The following ANGPT4 variants were observed in gnomAD, a reference collection of about 807,000 sequenced individuals.
ANGPT4 encodes the protein angiopoietin 4.
A neutral mutation model predicts 53.0 loss-of-function variants in ANGPT4; 50 were observed. The ratio of observed to expected loss-of-function variants is 0.94; its 90% confidence interval spans 0.75 to 1.20. The LOEUF (loss-of-function observed/expected upper bound fraction) is 1.20. Among genes scored for constraint, ANGPT4 ranks in the 50% most tolerant of loss-of-function variants. ANGPT4 has a pLI of 0.00. For synonymous variants in ANGPT4, 251 were observed against 259.7 expected, an observed-to-expected ratio of 0.97 and a Z score of 0.32; for missense variants, 648 against 637.1, an observed-to-expected ratio of 1.02 and a Z score of -0.18.
intron 4 of ANGPT4, among the ~76,000 whole-genome samples, chr20:884,342 G>A (rs555497936): frequency 1.1e-4 from 16 of 152,300 alleles, no homozygotes; most frequent in South Asian, 8.3e-4. Context: ...TTTGGGACCC[G>A]TAAACCAGGG....
At chr20:888,281 G>A in intron 3 of ANGPT4, 37 bp downstream of exon 3, 1 of 1,597,352 alleles carries the variant, frequency 6.3e-7, no homozygotes, top group Non-Finnish European at 8.5e-7. Context: ...TCCAGCCCCA[G>A]CCCCTGTCCT....
Position 890,280 on chromosome 20 carries a change from T to A in ANGPT4, c.398A>T (p.Glu133Val). The change falls in exon 2 of 9, where the codon GAG becomes GTG. Residue 133 changes from glutamate (E) to valine (V), a missense_variant. Coordinates refer to ENST00000381922, the MANE Select transcript of ANGPT4 (RefSeq NM_015985.4). The stretch of plus-strand genomic sequence containing the variant: ...CTGGTTCAGGAGGCTGGTGCCCAGC[T>A]CTAGCATGGGGGCCGTCTGATTCTG... ...MAQNQTAPML[E>V]LGTSLLNQTT... 2 of 1,614,006 alleles carry A rather than the reference T, an allele frequency of 1.2e-6. No homozygotes were observed. The highest frequency in any genetic ancestry group is 1.7e-6 in the Non-Finnish European group (2 of 1,179,968).
intron 1 of ANGPT4, among the ~76,000 whole-genome samples, 199 bp from the exon 2 acceptor site, chr20:890,567 G>C (rs1456492149): frequency 6.6e-6 from 1 of 152,168 alleles, no homozygotes; most frequent in Non-Finnish European, 1.5e-5. Context: ...TTATATGCCT[G>C]TTTTGTCTGC....
chr20:875,279 C>A (rs1356248577), intron 7 of ANGPT4, among the ~76,000 whole-genome samples: 1 of 152,178 alleles, frequency 6.6e-6, no homozygotes, highest in Non-Finnish European at 1.5e-5. Flanking sequence ...GATCTGGCAA[C>A]CCCAGCCCCA....
chr20:877,487 G>A (rs1981213590), intron 7 of ANGPT4, among the ~76,000 whole-genome samples: 1 of 152,146 alleles, frequency 6.6e-6, no homozygotes, highest in Non-Finnish European at 1.5e-5. Flanking sequence ...CTTAAACTTG[G>A]CATCTCAGTT....
chr20:884,344 A>C (rs572343498), intron 4 of ANGPT4, among the ~76,000 whole-genome samples: 13 of 152,346 alleles, frequency 8.5e-5, no homozygotes, highest in Admixed American at 3.9e-4. Context: ...TGGGACCCGT[A>C]AACCAGGGAC....
At chr20:910,989 T>A (rs1421045090) in intron 1 of ANGPT4, among the ~76,000 whole-genome samples, 2 of 152,112 alleles carry the variant, frequency 1.3e-5, no homozygotes, top group Non-Finnish European at 2.9e-5. Context: ...GAGCCAGCAG[T>A]GAGGTTAGGA....
At chr20:897,511 G>A (rs58879316) in intron 1 of ANGPT4, among the ~76,000 whole-genome samples, 3,408 of 152,238 alleles carry the variant, frequency 0.022, 135 homozygotes, top group African/African-American at 0.078. Context: ...CTGCAGCACC[G>A]GTCATGGACT....
At chr20:873,250 T>A in intron 8 of ANGPT4, 130 bp from the exon 9 acceptor site, 1 of 171,870 alleles carries the variant, frequency 5.8e-6, no homozygotes, top group Admixed American at 8.2e-5. Context: ...GCCAGCTGGC[T>A]GGGGATGGGG....
chr20:913,499 C>A (rs1451545801), intron 1 of ANGPT4, among the ~76,000 whole-genome samples: 1 of 152,204 alleles, frequency 6.6e-6, no homozygotes, highest in Non-Finnish European at 1.5e-5. Flanking sequence ...CCTGACTGAC[C>A]CTAGCTCAGA....
chr20:890,403 G>T (rs762695083), intron 1 of ANGPT4, 35 bp from the exon 2 acceptor site: 2 of 1,579,834 alleles, frequency 1.3e-6, no homozygotes, highest in Non-Finnish European at 1.7e-6. Flanking sequence ...CACGGGGGAG[G>T]GGCGGGGGAA....
chr20:891,487 C>G (rs553353691), intron 1 of ANGPT4, among the ~76,000 whole-genome samples: 1 of 152,234 alleles, frequency 6.6e-6, no homozygotes, highest in African/African-American at 2.4e-5. Context: ...GGGCTCGGTG[C>G]CTGCAGGCAG....
In ANGPT4 at chr20:878,147, G is replaced by C; in HGVS notation, c.1220+14C>G. 5 of 1,577,772 alleles carry C rather than the reference G, an allele frequency of 3.2e-6. No homozygotes were observed. Among genetic ancestry groups the C allele is most frequent in the Non-Finnish European group, 4.3e-6 (5 of 1,152,220 alleles). ...AGACCCCAGCCCCCACAACGGCCTGGGCCCCGAACCCACCTGTATAGCTGG... is the reference window on the plus strand; with the variant it reads ...AGACCCCAGCCCCCACAACGGCCTGCGCCCCGAACCCACCTGTATAGCTGG... On this transcript the variant is annotated intron_variant, in intron 7 of 8. Transcript: ENST00000381922.
At chr20:915,504 AGCCACCCAGG>A (rs1256745732) in intron 1 of ANGPT4, among the ~76,000 whole-genome samples, 2 of 152,212 alleles carry the variant, frequency 1.3e-5, no homozygotes, top group Non-Finnish European at 2.9e-5. Context: ...GACCTCAAGC[AGCCACCCAGG>A]GCCGCCACTT....
chr20:888,338 C>T lies in ANGPT4; in HGVS notation c.567G>A (p.Gln189=), dbSNP rs781044624. 2 of 1,613,678 alleles carry T rather than the reference C, an allele frequency of 1.2e-6. No individual in the cohort carries two copies. The highest frequency in any genetic ancestry group is 2.2e-5 in the South Asian group (2 of 91,074). The change falls in exon 3 of 9, where the codon CAG becomes CAA. Residue 189 remains glutamine, a synonymous_variant. Transcript: ENST00000381922. The stretch of plus-strand genomic sequence containing the variant: ...CCCACCTGTTTTGGCCCTGAAGCTG[C>T]TGGAGCTTCTGCCTCTGTAGCAGCA... ...NQLLLQRQKL[Q]QLQGQNSALE...
chr20:875,304 A>G (rs2122755597), intron 7 of ANGPT4, among the ~76,000 whole-genome samples: 1 of 152,090 alleles, frequency 6.6e-6, no homozygotes, highest in South Asian at 2.1e-4. Context: ...ACCTCCTCAC[A>G]TTCACCCACC....
intron 6 of ANGPT4, among the ~76,000 whole-genome samples, chr20:878,893 G>T (rs1415293214): frequency 2.6e-5 from 4 of 152,228 alleles, no homozygotes. Flanking sequence ...AGAGTGTGGG[G>T]AATGTCATGT....
chr20:884,998 G>C (rs999816917), intron 4 of ANGPT4, 80 bp downstream of exon 4: 50 of 1,572,286 alleles, frequency 3.2e-5, no homozygotes, highest in Non-Finnish European at 3.4e-5. Context: ...GGCGCCCAGA[G>C]ACCCTGGAGG....
intron 4 of ANGPT4, among the ~76,000 whole-genome samples, chr20:883,431 T>C (rs6055556): frequency 0.15 from 23,153 of 152,280 alleles, 2,011 homozygotes; most frequent in South Asian, 0.23. Context: ...CTCCTTTCAC[T>C]AGCCTCCACC....
Sources: gnomAD v4.1 joint callset for allele counts (sites outside exome capture counted in the v4.1 genomes callset) on GRCh38, gnomAD v4.1.1 for gene constraint, MANE v1.5 for transcripts, NCBI Gene and HGNC (gene_info 2026-07-23, HGNC 2026-07-21) for gene names.